Variants in PARVB observed in about 807,000 individuals in gnomAD.
The protein encoded by PARVB is parvin beta.
Under a neutral mutation model 47.0 loss-of-function variants are expected in PARVB, and 46 were observed. The observed-to-expected ratio is 0.98, with a 90% confidence interval of 0.77 to 1.25. The LOEUF is 1.25. Among genes scored for constraint, PARVB ranks in the 50% most tolerant of loss-of-function variants. The pLI is 0.00. For synonymous variants in PARVB, 196 were observed against 196.3 expected, an observed-to-expected ratio of 1.00 and a Z score of 0.01; for missense variants, 473 against 471.6, an observed-to-expected ratio of 1.00 and a Z score of -0.03.
At chr22:44,142,694 G>A (rs1275642088) in intron 8 of PARVB, 1 of 152,194 alleles carries the variant, frequency 6.6e-6, no homozygotes, top group East Asian at 1.9e-4. Flanking sequence ...GTGAAAAGTG[G>A]ACCCAGCTGC....
intron 2 of PARVB, among the ~76,000 whole-genome samples, chr22:44,007,995 G>T (rs923875119): frequency 1.3e-5 from 2 of 152,160 alleles, no homozygotes; most frequent in Non-Finnish European, 2.9e-5. Context: ...GGCTGAGTCA[G>T]AATTTCATGT....
chr22:44,125,814 T>G lies in PARVB; in HGVS notation c.377-5673T>G, dbSNP rs1487102322. ...CTTAGGCTTCTGGGTGCAGGATGGA[T>G]GGGGAGGAGAGTCAGGAGTTGGAAC... On this transcript the variant is annotated intron_variant, in intron 4 of 12. Coordinates refer to ENST00000338758, the MANE Select transcript of PARVB (RefSeq NM_013327.5). The surrounding 1 kb of genome is among the most constrained non-coding windows in gnomAD (Gnocchi z 4.1). Among the ~76,000 whole-genome samples the G allele has an allele frequency of 6.6e-6, 1 of 151,980 alleles. No homozygotes were observed. Among genetic ancestry groups the G allele is most frequent in the Non-Finnish European group, 1.5e-5 (1 of 67,998 alleles).
intron 6 of PARVB, among the ~76,000 whole-genome samples, chr22:44,133,606 A>G (rs2053378058): frequency 6.6e-6 from 1 of 152,166 alleles, no homozygotes; most frequent in Non-Finnish European, 1.5e-5. Flanking sequence ...TGGTGCAGTC[A>G]TGGCTCACTG....
chr22:44,025,636 C>G lies in PARVB; in HGVS notation c.112+1185C>G, dbSNP rs148423022. On this transcript the variant is annotated intron_variant, in intron 1 of 12. Coordinates refer to ENST00000338758, the MANE Select transcript of PARVB (RefSeq NM_013327.5). The stretch of plus-strand genomic sequence containing the variant: ...CCTGGCGGATAGGTCACTCTTCTCT[C>G]AAGCCTTACACTGGAGGACCCACTG... 3.0e-3 allele frequency among the ~76,000 whole-genome samples: 456 copies of G among 152,298 alleles called. 2 individuals carry two copies. The highest frequency in any genetic ancestry group is 0.011 in the African/African-American group (437 of 41,564).
chr22:44,063,969 G>C (rs1383508481), intron 1 of PARVB, among the ~76,000 whole-genome samples: 1 of 152,192 alleles, frequency 6.6e-6, no homozygotes, highest in Admixed American at 6.5e-5. Context: ...GGTGCGGTGC[G>C]GCCTTTGATA....
At chr22:43,999,462 A>T (rs1344234340) in intron 1 of PARVB, 1 of 1,573,122 alleles carries the variant, frequency 6.4e-7, no homozygotes, top group Non-Finnish European at 8.7e-7. Flanking sequence ...GGTTGTACTC[A>T]GAAGTCCAAA....
chr22:44,119,550 C>G (rs1463018606), intron 4 of PARVB, among the ~76,000 whole-genome samples: 1 of 152,150 alleles, frequency 6.6e-6, no homozygotes, highest in Admixed American at 6.5e-5. Flanking sequence ...AGCTCATGTT[C>G]CCTCACCAGG....
At chr22:44,122,554 CACAGAGACAG>C (rs2053085895) in intron 4 of PARVB, among the ~76,000 whole-genome samples, 24 of 54,060 alleles carry the variant, frequency 4.4e-4, no homozygotes, top group South Asian at 7.8e-4. Context: ...GAGAGAGAGA[CACAGAGACAG>C]AGAGAGAGAG....
chr22:44,056,436 G>T (rs1177511935), intron 1 of PARVB, among the ~76,000 whole-genome samples: 1 of 152,158 alleles, frequency 6.6e-6, no homozygotes, highest in African/African-American at 2.4e-5. Context: ...GAACCAGATC[G>T]GACAAATTAC....
chr22:44,131,936 G>A lies in PARVB; in HGVS notation c.517+309G>A, dbSNP rs1247198815. ...CTTTGAGAGAGAGAAGCAGCCTTGG[G>A]GGGTTCTTGTTGGGACTCAACCCCA... On this transcript the variant is annotated intron_variant, in intron 5 of 12. Coordinates refer to ENST00000338758, the MANE Select transcript of PARVB (RefSeq NM_013327.5). Among the ~76,000 whole-genome samples the A allele has an allele frequency of 2.6e-5, 4 of 152,196 alleles. No homozygotes were observed. The East Asian group carries it at 7.7e-4, about 29-fold the overall frequency.
chr22:44,151,029 C>CAAAAAAAAAAAAAAAAAAAAAAAA (rs35913551), intron 9 of PARVB: 6 of 51,668 alleles, frequency 1.2e-4, no homozygotes, highest in African/African-American at 3.8e-4. Flanking sequence ...GAGACTGTCT[C>CAAAAAAAAAAAAAAAAAAAAAAAA]AAAAAAAAAA....
Position 44,098,968 on chromosome 22 carries a change from G to A in PARVB, c.203-1085G>A, listed in dbSNP as rs965200118. On this transcript the variant is annotated intron_variant, in intron 2 of 12. Coordinates refer to ENST00000338758, the MANE Select transcript of PARVB (RefSeq NM_013327.5). The stretch of plus-strand genomic sequence containing the variant: ...GGGATTGTAGGCAGGAGCCACTTAC[G>A]CTCAGCTTCAAAGCTGTTTTCATTC... 2.5e-4 allele frequency among the ~76,000 whole-genome samples: 38 copies of A among 152,210 alleles called. 1 individual carries two copies. The East Asian group carries it at 6.8e-3, about 27-fold the overall frequency.
rs1382657802 is a variant in PARVB at position 44,131,507 on chromosome 22, C to T, written c.397C>T (p.Leu133=). ...TGCAGAAAAACTGGCAGGGTGCAAG[C>T]TGAATGTGGCTGAGGTGACACAGTC... is the stretch of plus-strand genomic sequence containing the variant. The part of the protein sequence containing the change: ...KLLEKLAGCK[L]NVAEVTQSEI... Residue 133 remains leucine, a synonymous_variant, in exon 5 of 13, where the codon CTG becomes TTG. Transcript: ENST00000338758. 1 of 1,614,004 alleles carries T rather than the reference C, an allele frequency of 6.2e-7. No homozygotes were observed.
intron 1 of PARVB, among the ~76,000 whole-genome samples, chr22:44,075,448 G>A (rs1048759606): frequency 3.3e-5 from 5 of 152,156 alleles, no homozygotes; most frequent in African/African-American, 9.7e-5. Context: ...GTGCATCTGT[G>A]GTACCTGGTG....
rs2054269770 is a variant in PARVB at position 44,171,575 on chromosome 22, CTG to C, written c.*2901_*2902del. The C allele has an allele frequency of 1.3e-5, 2 of 152,210 alleles. No individual in the cohort carries two copies. Among genetic ancestry groups the C allele is most frequent in the African/African-American group, 4.8e-5 (2 of 41,516 alleles). 9.4% of individuals were successfully genotyped at this position (152,210 alleles called of 1,614,324 possible). A position where few individuals can be genotyped will look rare whatever the true frequency, so the allele number is the denominator to read the frequency against. ...CCAAAATGAGCAGCCCTGGCCCATT[CTG>C]TGTCATCAGAGGGGAGAGGACGGTT... On this transcript the variant is annotated 3_prime_UTR_variant, in exon 13 of 13. Coordinates refer to ENST00000338758, the MANE Select transcript of PARVB (RefSeq NM_013327.5).
chr22:44,121,646 G>C (rs1397213737), intron 4 of PARVB, among the ~76,000 whole-genome samples: 1 of 152,046 alleles, frequency 6.6e-6, no homozygotes, highest in Non-Finnish European at 1.5e-5. Context: ...TAATTAGATA[G>C]CAAAATCTGG....
intron 4 of PARVB, among the ~76,000 whole-genome samples, chr22:44,127,288 T>A (rs2053208005): frequency 6.6e-6 from 1 of 152,122 alleles, no homozygotes; most frequent in Admixed American, 6.5e-5. Context: ...AACAGTGGAC[T>A]AGAATATTCA....
At chr22:44,087,577 T>C (rs1008875077) in intron 1 of PARVB, among the ~76,000 whole-genome samples, 5 of 152,216 alleles carry the variant, frequency 3.3e-5, no homozygotes, top group African/African-American at 1.2e-4. Context: ...AACCTTGTTC[T>C]TTAAACCAGC....
intron 2 of PARVB, among the ~76,000 whole-genome samples, chr22:44,098,542 A>G (rs1203663728): frequency 6.6e-6 from 1 of 152,134 alleles, no homozygotes; most frequent in Non-Finnish European, 1.5e-5. Context: ...AGGGCAGGAA[A>G]TGAGGCGGGA....
Sources: gnomAD v4.1 joint callset for allele counts (sites outside exome capture counted in the v4.1 genomes callset) on GRCh38, gnomAD v4.1.1 for gene constraint, Gnocchi (gnomAD v3.1) non-coding constraint, MANE v1.5 for transcripts, NCBI Gene and HGNC (gene_info 2026-07-23, HGNC 2026-07-21) for gene names.